The following DSCAM variants were observed in gnomAD, a reference collection of about 807,000 sequenced individuals.
The protein encoded by DSCAM is cell adhesion molecule DSCAM.
A neutral mutation model predicts 217.7 loss-of-function variants in DSCAM; 47 were observed. The ratio of observed to expected loss-of-function variants is 0.22; its 90% CI spans 0.17 to 0.28. DSCAM has a LOEUF of 0.28. Ranked by LOEUF, DSCAM falls within the 10% of genes least tolerant of loss-of-function variation. The pLI is 1.00. For synonymous variants in DSCAM, 1,056 were observed against 1,015.3 expected, an observed-to-expected ratio of 1.04 and a Z score of -0.76; for missense variants, 2,080 against 2,618.3, an observed-to-expected ratio of 0.79 and a Z score of 4.49.
intron 15 of DSCAM, among the ~76,000 whole-genome samples, chr21:40,170,707 CG>C (rs938768018): frequency 3.3e-5 from 5 of 152,268 alleles, no homozygotes; most frequent in Non-Finnish European, 7.3e-5. Context: ...GAAAAGCACA[CG>C]GTTTTCCATA....
chr21:40,592,907 T>C (rs917058082), intron 3 of DSCAM, among the ~76,000 whole-genome samples: 1 of 152,186 alleles, frequency 6.6e-6, no homozygotes, highest in Non-Finnish European at 1.5e-5. Flanking sequence ...AGCACGCACA[T>C]ATTTGTTGAG....
At chr21:40,794,260 T>C (rs1439629970) in intron 1 of DSCAM, among the ~76,000 whole-genome samples, 1 of 152,170 alleles carries the variant, frequency 6.6e-6, no homozygotes, top group Non-Finnish European at 1.5e-5. Context: ...ATAAGTGATA[T>C]ATTTAAATTA....
At chr21:40,424,037 T>C (rs1393176144) in intron 3 of DSCAM, among the ~76,000 whole-genome samples, 4 of 152,234 alleles carry the variant, frequency 2.6e-5, no homozygotes, top group Non-Finnish European at 2.9e-5. Context: ...TATAAAAATA[T>C]GATTTCTAAA....
chr21:40,519,785 G>A (rs1301673217), intron 3 of DSCAM, among the ~76,000 whole-genome samples: 1 of 152,046 alleles, frequency 6.6e-6, no homozygotes, highest in Non-Finnish European at 1.5e-5. Context: ...TTACAGACAT[G>A]CCAGCTCGAC....
chr21:40,328,761 C>A (rs755724013), intron 8 of DSCAM, among the ~76,000 whole-genome samples: 3 of 152,024 alleles, frequency 2.0e-5, no homozygotes, highest in African/African-American at 7.2e-5. Flanking sequence ...AGGTTACTAT[C>A]CAAAATATAT....
intron 10 of DSCAM, among the ~76,000 whole-genome samples, chr21:40,282,085 T>C (rs2073767993): frequency 6.6e-6 from 1 of 152,186 alleles, no homozygotes. Context: ...TGTTCATTAG[T>C]GTGAGGATAA....
chr21:40,415,720 C>A (rs1267598731), intron 3 of DSCAM, among the ~76,000 whole-genome samples: 1 of 152,122 alleles, frequency 6.6e-6, no homozygotes. Context: ...CTGTGAGGCA[C>A]CATTTGCACA....
intron 3 of DSCAM, among the ~76,000 whole-genome samples, chr21:40,592,878 G>A (rs2076993962): frequency 6.6e-6 from 1 of 152,118 alleles, no homozygotes; most frequent in Non-Finnish European, 1.5e-5. Flanking sequence ...CAGCCCTTAA[G>A]AGTTCAGAAG....
At chr21:40,698,618 C>T (rs186076807) in intron 2 of DSCAM, among the ~76,000 whole-genome samples, 82 of 152,214 alleles carry the variant, frequency 5.4e-4, no homozygotes, top group Non-Finnish European at 1.1e-3. Context: ...ATCTGTAATC[C>T]CAGCACTTTG....
chr21:40,669,947 T>A (rs1429148293), intron 3 of DSCAM, among the ~76,000 whole-genome samples: 2 of 149,096 alleles, frequency 1.3e-5, no homozygotes, highest in African/African-American at 2.5e-5. Flanking sequence ...ATGGCTATAA[T>A]AAAAAAAAAA....
intron 3 of DSCAM, among the ~76,000 whole-genome samples, chr21:40,537,439 A>C (rs944297382): frequency 1.3e-5 from 2 of 152,198 alleles, no homozygotes; most frequent in Non-Finnish European, 2.9e-5. Context: ...CTAATGCCTC[A>C]AGAAGAAATT....
chr21:40,213,287 A>C (rs181113068), intron 11 of DSCAM, among the ~76,000 whole-genome samples: 1 of 152,326 alleles, frequency 6.6e-6, no homozygotes, highest in Non-Finnish European at 1.5e-5. Flanking sequence ...CATGGACATA[A>C]TAAGACCTGG....
intron 12 of DSCAM, 73 bp from the exon 13 acceptor site, chr21:40,188,060 T>C: frequency 8.9e-7 from 1 of 1,124,490 alleles, no homozygotes. Flanking sequence ...GCTCTCTCTC[T>C]CCACTCTTTC....
chr21:40,013,953 C>T (rs1318455648), intron 32 of DSCAM, among the ~76,000 whole-genome samples: 1 of 152,258 alleles, frequency 6.6e-6, no homozygotes. Context: ...TACCTGCTAA[C>T]TTCTGCGTGG....
intron 8 of DSCAM, among the ~76,000 whole-genome samples, chr21:40,336,969 G>A (rs986497279): frequency 6.6e-6 from 1 of 152,148 alleles, no homozygotes; most frequent in Admixed American, 6.5e-5. Flanking sequence ...AAATTCTCAA[G>A]ACATATGGTT....
At chr21:40,278,736 A>AAGGAGGAGGAGGAGGAAG (rs1357324957) in intron 10 of DSCAM, among the ~76,000 whole-genome samples, 3 of 151,548 alleles carry the variant, frequency 2.0e-5, no homozygotes, top group South Asian at 2.1e-4. Context: ...GGAGGAAGAG[A>AAGGAGGAGGAGGAGGAAG]AGGAGGAGGA....
intron 3 of DSCAM, among the ~76,000 whole-genome samples, chr21:40,401,366 G>T (rs191191766): frequency 6.7e-6 from 1 of 148,520 alleles, no homozygotes; most frequent in East Asian, 2.0e-4. Flanking sequence ...TAATTATATG[G>T]CTGCATAAAG....
intron 3 of DSCAM, among the ~76,000 whole-genome samples, chr21:40,431,170 TCTAAA>T (rs1381110712): frequency 6.6e-6 from 1 of 152,204 alleles, no homozygotes; most frequent in African/African-American, 2.4e-5. Flanking sequence ...AAAACTTCCA[TCTAAA>T]CTAATTGAAA....
intron 10 of DSCAM, among the ~76,000 whole-genome samples, chr21:40,285,973 G>C (rs2073818909): frequency 1.3e-5 from 2 of 152,128 alleles, no homozygotes; most frequent in African/African-American, 4.8e-5. Flanking sequence ...TGAAGGACAT[G>C]GAAGAGGTCA....
Sources: gnomAD v4.1 joint callset for allele counts (sites outside exome capture counted in the v4.1 genomes callset) on GRCh38, gnomAD v4.1.1 for gene constraint, MANE v1.5 for transcripts, NCBI Gene and HGNC (gene_info 2026-07-23, HGNC 2026-07-21) for gene names.